ANKFN1: variants seen among roughly 807,000 people sequenced by gnomAD.
ANKFN1 encodes ankyrin repeat and fibronectin type-III domain-containing protein 1.
A neutral mutation model predicts 108.7 loss-of-function variants in ANKFN1; 74 were observed. The observed-to-expected ratio is 0.68, with a 90% CI of 0.56 to 0.83. The LOEUF is 0.83. Among genes scored for constraint, ANKFN1 ranks in the 40% least tolerant of loss-of-function variants. ANKFN1 has a pLI of 0.00. For missense variants in ANKFN1, 1,505 were observed against 1,382.3 expected (o/e 1.09, Z -1.41); for synonymous variants, 547 against 516.2 (o/e 1.06, Z -0.81).
At chr17:56,238,520 T>C (rs150427397) in intron 3 of ANKFN1, among the ~76,000 whole-genome samples, 4 of 152,300 alleles carry the variant, frequency 2.6e-5, no homozygotes, top group Non-Finnish European at 5.9e-5. Flanking sequence ...AATTGAACCC[T>C]TTACTATTAT....
At chr17:56,416,517 C>T (rs1000823860) in intron 8 of ANKFN1, among the ~76,000 whole-genome samples, 2 of 152,036 alleles carry the variant, frequency 1.3e-5, no homozygotes, top group Non-Finnish European at 2.9e-5. Context: ...ATCATCTCAC[C>T]CCAGTTAAAA....
intron 8 of ANKFN1, among the ~76,000 whole-genome samples, chr17:56,392,894 C>T (rs532273560): frequency 2.4e-4 from 37 of 152,276 alleles, no homozygotes; most frequent in African/African-American, 8.9e-4. Flanking sequence ...TGTGCCAGCT[C>T]TTGTCATATG....
chr17:56,439,197 C>T (rs1205482057), intron 8 of ANKFN1, among the ~76,000 whole-genome samples: 4 of 152,194 alleles, frequency 2.6e-5, no homozygotes, highest in South Asian at 2.1e-4. Flanking sequence ...CTGTGTGACT[C>T]GAGGGGCGCA....
At chr17:56,235,403 G>A (rs898756783) in intron 3 of ANKFN1, among the ~76,000 whole-genome samples, 5 of 152,052 alleles carry the variant, frequency 3.3e-5, no homozygotes, top group African/African-American at 9.7e-5. Flanking sequence ...ATTACTTTTG[G>A]CATCTTCATC....
intron 8 of ANKFN1, among the ~76,000 whole-genome samples, chr17:56,392,438 G>C (rs997753052): frequency 3.9e-5 from 6 of 152,202 alleles, no homozygotes; most frequent in Admixed American, 2.6e-4. Context: ...GGTCCCCTTA[G>C]AGGGCATCTC....
chr17:56,126,935 A>T (rs1376865639), intron 4 of ANKFN1, among the ~76,000 whole-genome samples: 1 of 152,252 alleles, frequency 6.6e-6, no homozygotes. Flanking sequence ...ATTAAATGGG[A>T]TAAATGCACA....
At chr17:56,152,256 A>ATGTGTGTGTG (rs1165051884), upstream of ANKFN1, among the ~76,000 whole-genome samples, 1 of 79,254 alleles carries the variant, frequency 1.3e-5, no homozygotes, top group African/African-American at 4.0e-5. Context: ...ATATATATAT[A>ATGTGTGTGTG]TATATATGTG....
intron 3 of ANKFN1, among the ~76,000 whole-genome samples, chr17:56,290,631 T>C (rs1050393374): frequency 6.6e-6 from 1 of 152,190 alleles, no homozygotes; most frequent in African/African-American, 2.4e-5. Context: ...AAGAGCCCAG[T>C]GAAGAGTTGA....
chr17:56,087,767 TA>T (rs1172184772), intron 4 of ANKFN1, among the ~76,000 whole-genome samples: 1 of 151,338 alleles, frequency 6.6e-6, no homozygotes, highest in Admixed American at 6.6e-5. Flanking sequence ...ATTGGAACTT[TA>T]TTAAGTGAGC....
At chr17:56,337,965 A>G (rs917866764) in intron 4 of ANKFN1, among the ~76,000 whole-genome samples, 1 of 152,194 alleles carries the variant, frequency 6.6e-6, no homozygotes, top group Non-Finnish European at 1.5e-5. Context: ...TATATGCCCG[A>G]AGAATTATAA....
rs1555588768 is a variant in ANKFN1 at position 56,055,566 on chromosome 17, C to CATATATATATATATATATATACATATAT, written c.288+9262_288+9263insCATATATATATATATATATATATATATA. 4.0e-4 allele frequency among the ~76,000 whole-genome samples: 19 copies of CATATATATATATATATATATACATATAT among 47,450 alleles called. 1 individual carries two copies. The highest frequency in any genetic ancestry group is 2.2e-3 in the African/African-American group (17 of 7,570). The allele number at this position is 47,450 out of a possible 152,430, so 31.1% of individuals were successfully genotyped here. The stretch of plus-strand genomic sequence containing the variant: ...TATATGTGTGTGTGTGGTATATATA[C>CATATATATATATATATATATACATATAT]ATATATATATATATATATATATGTA... On this transcript the variant is annotated intron_variant, in intron 4 of 12. Transcript: ENST00000635860.
chr17:56,203,680 G>A (rs1914251526), intron 1 of ANKFN1, among the ~76,000 whole-genome samples: 2 of 152,172 alleles, frequency 1.3e-5, no homozygotes, highest in South Asian at 4.1e-4. Context: ...TTACTCATTG[G>A]CTAGAACTAG....
At chr17:56,398,704 G>A (rs1567972184) in intron 8 of ANKFN1, among the ~76,000 whole-genome samples, 3 of 152,050 alleles carry the variant, frequency 2.0e-5, no homozygotes, top group Non-Finnish European at 2.9e-5. Flanking sequence ...ACCATGAATT[G>A]GCAAAGACAC....
intron 3 of ANKFN1, among the ~76,000 whole-genome samples, chr17:56,305,250 C>A (rs896764779): frequency 6.6e-6 from 1 of 152,194 alleles, no homozygotes; most frequent in Non-Finnish European, 1.5e-5. Context: ...AATTACCTCC[C>A]ACTGGCTCCC....
chr17:56,098,644 G>A (rs1317866826), intron 4 of ANKFN1, among the ~76,000 whole-genome samples: 1 of 152,148 alleles, frequency 6.6e-6, no homozygotes, highest in African/African-American at 2.4e-5. Flanking sequence ...GGATCAAAGT[G>A]AAAGCTCTCT....
chr17:56,098,504 C>T (rs1905577193), intron 4 of ANKFN1, among the ~76,000 whole-genome samples: 1 of 152,138 alleles, frequency 6.6e-6, no homozygotes, highest in Non-Finnish European at 1.5e-5. Context: ...GCATTCATCA[C>T]TCTCTGACAC....
chr17:56,145,472 A>G (rs538879892), intron 4 of ANKFN1, among the ~76,000 whole-genome samples: 9 of 152,332 alleles, frequency 5.9e-5, no homozygotes, highest in African/African-American at 2.2e-4. Context: ...AAGGAAAAGC[A>G]GGCACCTTCT....
At chr17:56,113,955 C>A (rs114211881) in intron 4 of ANKFN1, among the ~76,000 whole-genome samples, 1,643 of 152,110 alleles carry the variant, frequency 0.011, 26 homozygotes, top group African/African-American at 0.037. Context: ...ACTAATTGGA[C>A]GTCAGAACAG....
chr17:56,205,574 T>A (rs1299935449), intron 1 of ANKFN1, among the ~76,000 whole-genome samples: 3 of 152,224 alleles, frequency 2.0e-5, no homozygotes, highest in South Asian at 2.1e-4. Flanking sequence ...TTTGACAATG[T>A]GTATTTTTGG....
Sources: gnomAD v4.1 joint callset for allele counts (sites outside exome capture counted in the v4.1 genomes callset) on GRCh38, gnomAD v4.1.1 for gene constraint, MANE v1.5 for transcripts, NCBI Gene and HGNC (gene_info 2026-07-23, HGNC 2026-07-21) for gene names.